Variants in GLB1 observed in about 807,000 individuals in gnomAD.
GLB1 encodes beta-galactosidase.
A neutral mutation model predicts 74.0 loss-of-function variants in GLB1; 56 were observed. The observed-to-expected ratio is 0.76, with a 90% CI of 0.61 to 0.94. The LOEUF is 0.94. Among genes scored for constraint, GLB1 ranks in the 40% least tolerant of loss-of-function variants. The pLI is 0.00. For synonymous variants in GLB1, 323 were observed against 323.6 expected (o/e 1.00, Z 0.02); for missense variants, 787 against 845.5 (o/e 0.93, Z 0.86).
the GLB1 span, among the ~76,000 whole-genome samples, chr3:32,964,351 A>G: frequency 6.6e-6 from 1 of 152,246 alleles, no homozygotes; most frequent in Non-Finnish European, 1.5e-5. Context: ...TGACCAGGGA[A>G]GAATTTGAGG....
At chr3:33,055,088 T>C (rs1699157853) in intron 6 of GLB1, among the ~76,000 whole-genome samples, 1 of 152,228 alleles carries the variant, frequency 6.6e-6, no homozygotes, top group Non-Finnish European at 1.5e-5. Context: ...AAGCATTAGG[T>C]GGCATTCAGC....
At position 33,093,897 on chromosome 3, in the gene GLB1, A is replaced by C; in HGVS notation, c.75+3114T>G. On this transcript the variant is annotated intron_variant, in intron 1 of 15. Coordinates refer to ENST00000307363, the MANE Select transcript of GLB1 (RefSeq NM_000404.4). The surrounding 1 kb of genome is among the most constrained non-coding windows in gnomAD (Gnocchi z 6.0). ...GGCCACTAAAAAGAACATGGTAAAG[A>C]AACTGGAATGGGCCAGGGCCAGAAA... 1.2e-6 allele frequency: 2 copies of C among 1,614,000 alleles called. No homozygotes were observed. Among genetic ancestry groups the C allele is most frequent in the Non-Finnish European group, 8.5e-7 (1 of 1,179,982 alleles).
At chr3:33,089,239 A>C (rs1042807367) in intron 1 of GLB1, among the ~76,000 whole-genome samples, 1 of 152,230 alleles carries the variant, frequency 6.6e-6, no homozygotes, top group African/African-American at 2.4e-5. Context: ...GATTTCTTGG[A>C]TATGATGCCA....
intron 1 of GLB1, 104 bp from the exon 2 acceptor site, chr3:33,072,817 A>G: frequency 6.6e-7 from 1 of 1,525,162 alleles, no homozygotes. Flanking sequence ...AATTTGTATA[A>G]TGTGCTGATG....
chr3:33,065,700 G>A, intron 4 of GLB1, 143 bp from the exon 5 acceptor site: 1 of 941,996 alleles, frequency 1.1e-6, no homozygotes, highest in Non-Finnish European at 1.6e-6. Flanking sequence ...GGGTGCGGTG[G>A]CTCACGCCTG....
At chr3:33,041,261 G>T (rs181986205) in intron 10 of GLB1, among the ~76,000 whole-genome samples, 3 of 152,306 alleles carry the variant, frequency 2.0e-5, no homozygotes, top group African/African-American at 7.2e-5. Context: ...CAAGAGGAAA[G>T]ATAGATTATC....
chr3:32,990,164 T>C, the GLB1 span, among the ~76,000 whole-genome samples: 2,925 of 152,294 alleles, frequency 0.019, 94 homozygotes, highest in African/African-American at 0.066. Context: ...CCATTGTCTC[T>C]CCAGACCCTG....
intron 1 of GLB1, chr3:33,091,146 G>A: frequency 1.0e-6 from 1 of 985,272 alleles, no homozygotes; most frequent in Non-Finnish European, 1.2e-6. Flanking sequence ...AATGCGGTCG[G>A]GACACAAGAA....
chr3:33,034,731 G>C (rs1357986428), intron 10 of GLB1: 1 of 695,824 alleles, frequency 1.4e-6, no homozygotes, highest in African/African-American at 1.8e-5. Flanking sequence ...GATGGGCAGT[G>C]GGTGTGTATC....
chr3:33,082,420 A>G (rs769453388), intron 1 of GLB1, among the ~76,000 whole-genome samples: 1 of 152,234 alleles, frequency 6.6e-6, no homozygotes, highest in African/African-American at 2.4e-5. Context: ...AATCTGAAGC[A>G]AGACCACAAT....
intron 2 of GLB1, among the ~76,000 whole-genome samples, chr3:33,071,068 CTCT>C (rs1002740324): frequency 1.3e-5 from 2 of 152,192 alleles, no homozygotes; most frequent in African/African-American, 4.8e-5. Context: ...CTACCAGCTC[CTCT>C]GTCTACCTAC....
In GLB1 at chr3:33,065,888, A is replaced by G. The variant is rs561325116; in HGVS notation, c.458-331T>C. Among the ~76,000 whole-genome samples, 70 of 147,666 alleles carry G rather than the reference A, an allele frequency of 4.7e-4. 1 individual carries two copies. Among genetic ancestry groups the G allele is most frequent in the African/African-American group, 1.5e-3 (59 of 39,860 alleles). On this transcript the variant is annotated intron_variant, in intron 4 of 15. Transcript: ENST00000307363. ...AGGCTGAGGCAGGAGAATTGCTTGAACCCGGGGGGGCGGAGGTTGCGGTGA... is the reference window on the plus strand; with the variant it reads ...AGGCTGAGGCAGGAGAATTGCTTGAGCCCGGGGGGGCGGAGGTTGCGGTGA...
At chr3:33,032,091 C>A (rs1349047787) in intron 10 of GLB1, among the ~76,000 whole-genome samples, 1 of 152,148 alleles carries the variant, frequency 6.6e-6, no homozygotes, top group Admixed American at 6.5e-5. Context: ...AGCCACTGAG[C>A]CTGGCAATTT....
chr3:32,975,776 G>A, the GLB1 span, among the ~76,000 whole-genome samples: 1 of 152,182 alleles, frequency 6.6e-6, no homozygotes, highest in East Asian at 1.9e-4. Context: ...TGAAATCACT[G>A]TAATAGGATA....
chr3:32,990,448 G>T, the GLB1 span, among the ~76,000 whole-genome samples: 1 of 152,068 alleles, frequency 6.6e-6, no homozygotes, highest in Non-Finnish European at 1.5e-5. Flanking sequence ...AGTGGCATGG[G>T]GTTTAGAGTA....
At chr3:33,024,850 A>G (rs1697666732) in intron 10 of GLB1, among the ~76,000 whole-genome samples, 2 of 137,182 alleles carry the variant, frequency 1.5e-5, no homozygotes, top group Non-Finnish European at 3.3e-5. Context: ...ACACACACAG[A>G]CAGAGAGAGA....
the GLB1 span, among the ~76,000 whole-genome samples, chr3:32,976,897 G>A: frequency 6.6e-6 from 1 of 152,170 alleles, no homozygotes; most frequent in Non-Finnish European, 1.5e-5. Context: ...ATATTTAATA[G>A]TCAATATATT....
chr3:33,087,004 T>C (rs1460372172), intron 1 of GLB1, among the ~76,000 whole-genome samples: 2 of 147,666 alleles, frequency 1.4e-5, no homozygotes, highest in African/African-American at 2.5e-5. Flanking sequence ...AGTTGGTTTT[T>C]GAAAAAAAAA....
intron 15 of GLB1, among the ~76,000 whole-genome samples, chr3:33,005,791 G>A (rs34064757): frequency 0.28 from 42,494 of 151,998 alleles, 7,332 homozygotes; most frequent in Middle Eastern, 0.44. Context: ...CCATCGCGTC[G>A]GCCAGGAAAT....
Sources: allele counts gnomAD v4.1 joint callset (sites outside exome capture counted in the v4.1 genomes callset), GRCh38; gene constraint gnomAD v4.1.1; non-coding constraint Gnocchi (gnomAD v3.1); transcripts MANE v1.5; gene names NCBI Gene and HGNC (gene_info 2026-07-23, HGNC 2026-07-21).